The following AGBL1 variants were observed in gnomAD, a reference collection of about 807,000 sequenced individuals.
AGBL1 encodes the protein AGBL carboxypeptidase 1, also known as cytosolic carboxypeptidase 4.
In AGBL1, 130 loss-of-function variants were observed where a neutral mutation model predicts 118.9. The ratio of observed to expected loss-of-function variants is 1.09; its 90% CI spans 0.95 to 1.26. The LOEUF (loss-of-function observed/expected upper bound fraction) is 1.26, where lower values mean the gene tolerates loss of function less well. Among genes scored for constraint, AGBL1 ranks in the 50% most tolerant of loss-of-function variants. AGBL1 has a pLI of 0.00. For synonymous variants in AGBL1, 555 were observed against 478.9 expected (o/e 1.16, Z -2.08); for missense variants, 1,584 against 1,298.1 (o/e 1.22, Z -3.38).
At position 86,613,025 on chromosome 15, in the gene AGBL1, C is replaced by A. The variant is rs954698775; in HGVS notation, c.2994+58488C>A. ...ATACCTTACATATAATGATTCATGTCTTTGTCTGTAACTTTTGTCTCCCTA... is the reference window on the plus strand; with the variant it reads ...ATACCTTACATATAATGATTCATGTATTTGTCTGTAACTTTTGTCTCCCTA... On this transcript the variant is annotated intron_variant, in intron 21 of 22. Coordinates refer to ENST00000614907, the MANE Select transcript of AGBL1 (RefSeq NM_001386094.1). This position sits in a 1 kb window ranked among gnomAD's most constrained non-coding sequence, Gnocchi z 4.2. Among the ~76,000 whole-genome samples the A allele has an allele frequency of 2.0e-5, 3 of 151,850 alleles. No homozygotes were observed. Among genetic ancestry groups the A allele is most frequent in the African/African-American group, 2.4e-5 (1 of 41,120 alleles).
At chr15:86,280,018 G>A (rs1311170137) in intron 16 of AGBL1, among the ~76,000 whole-genome samples, 1 of 152,166 alleles carries the variant, frequency 6.6e-6, no homozygotes, top group East Asian at 1.9e-4. Flanking sequence ...CATTCCAAAG[G>A]CCCAAGTGGT....
intron 22 of AGBL1, among the ~76,000 whole-genome samples, chr15:86,869,144 G>A (rs187018285): frequency 5.3e-5 from 8 of 152,310 alleles, no homozygotes; most frequent in African/African-American, 1.9e-4. Flanking sequence ...TTGCACAACT[G>A]ATAAACTGTC....
chr15:86,908,689 G>A lies in AGBL1; in HGVS notation c.*1395G>A, dbSNP rs1352832077. 3 of 152,236 alleles carry A rather than the reference G, an allele frequency of 2.0e-5. No homozygotes were observed. The highest frequency in any genetic ancestry group is 4.4e-5 in the Non-Finnish European group (3 of 68,088). 9.4% of individuals were successfully genotyped at this position (152,236 alleles called of 1,614,324 possible). On this transcript the variant is annotated 3_prime_UTR_variant, in exon 23 of 23. Transcript: ENST00000614907. ...AGCAAGGCCTTTTAGCATTCGGAAG[G>A]AAGAGGCTTAGTTATTTGAATAATG...
At chr15:86,334,890 A>G (rs1449292413) in intron 17 of AGBL1, among the ~76,000 whole-genome samples, 1 of 152,204 alleles carries the variant, frequency 6.6e-6, no homozygotes, top group East Asian at 1.9e-4. Context: ...AATAAAAATT[A>G]TGAAGACAGA....
intron 5 of AGBL1, among the ~76,000 whole-genome samples, chr15:86,164,572 G>A (rs777991246): frequency 2.6e-5 from 4 of 152,118 alleles, no homozygotes; most frequent in Admixed American, 1.3e-4. Flanking sequence ...CACTGGCCAC[G>A]TGCTTGACCT....
Position 86,921,605 on chromosome 15 carries a change from G to T in AGBL1, c.3222-66382G>T, listed in dbSNP as rs1002953911. On this transcript the variant is annotated intron_variant, in intron 23 of 24. Coordinates refer to the AGBL1 transcript ENST00000441037. ...TATTTTCTTTTATTTCCATGCTTGGGGAGGGAGAATGAGGAGGAGGCCCCT... is the reference window on the plus strand; with the variant it reads ...TATTTTCTTTTATTTCCATGCTTGGTGAGGGAGAATGAGGAGGAGGCCCCT... Among the ~76,000 whole-genome samples, 9 of 152,220 alleles carry T rather than the reference G, an allele frequency of 5.9e-5. No individual in the cohort carries two copies. In the South Asian group the frequency reaches 1.9e-3, roughly 32 times the overall value.
At chr15:86,445,208 A>C (rs1018281420) in intron 18 of AGBL1, among the ~76,000 whole-genome samples, 1 of 152,236 alleles carries the variant, frequency 6.6e-6, no homozygotes, top group African/African-American at 2.4e-5. Flanking sequence ...AGAGCAGCCC[A>C]CTGGCAAGCT....
chr15:86,821,183 G>A (rs944601187), intron 22 of AGBL1, among the ~76,000 whole-genome samples: 1 of 152,120 alleles, frequency 6.6e-6, no homozygotes, highest in East Asian at 1.9e-4. Flanking sequence ...CAGGAGATTG[G>A]GGGGTTGGGG....
In AGBL1 at chr15:86,914,483, A is replaced by C. The variant is rs1365234059; in HGVS notation, c.*7189A>C. ...GTTCCCGGGGAAATCTGACTTCCTA[A>C]CTCATGCTCCCTCCACTTCCCCAGA... On this transcript the variant is annotated 3_prime_UTR_variant, in exon 23 of 23. Coordinates refer to ENST00000614907, the MANE Select transcript of AGBL1 (RefSeq NM_001386094.1). 1 of 152,140 alleles carries C rather than the reference A, an allele frequency of 6.6e-6. No homozygotes were observed. Among genetic ancestry groups the C allele is most frequent in the Non-Finnish European group, 1.5e-5 (1 of 68,026 alleles). 9.4% of individuals were successfully genotyped at this position (152,140 alleles called of 1,614,324 possible). A position where few individuals can be genotyped will look rare whatever the true frequency, so the allele number is the denominator to read the frequency against.
chr15:86,318,187 A>G (rs188664697), intron 17 of AGBL1, among the ~76,000 whole-genome samples: 209 of 152,284 alleles, frequency 1.4e-3, no homozygotes, highest in African/African-American at 4.9e-3. Flanking sequence ...TGGGGATGTA[A>G]TTTTTTAAAA....
At chr15:86,225,693 A>G (rs1429479425) in intron 6 of AGBL1, among the ~76,000 whole-genome samples, 1 of 151,850 alleles carries the variant, frequency 6.6e-6, no homozygotes, top group African/African-American at 2.4e-5. Flanking sequence ...TTTCCTCCTT[A>G]CCTCTTCATC....
At chr15:86,153,882 T>C (rs1411602277) in intron 3 of AGBL1, among the ~76,000 whole-genome samples, 1 of 152,240 alleles carries the variant, frequency 6.6e-6, no homozygotes, top group East Asian at 1.9e-4. Flanking sequence ...CTAAATCCTT[T>C]CAAGTGCATT....
chr15:86,244,322 C>A (rs1279166926), intron 6 of AGBL1, among the ~76,000 whole-genome samples: 2 of 152,146 alleles, frequency 1.3e-5, no homozygotes, highest in Non-Finnish European at 2.9e-5. Context: ...TGCCCTGGCC[C>A]TGCAAAGCAG....
intron 19 of AGBL1, among the ~76,000 whole-genome samples, chr15:86,540,455 C>G (rs769895935): frequency 6.6e-6 from 1 of 152,012 alleles, no homozygotes; most frequent in Non-Finnish European, 1.5e-5. Flanking sequence ...GTTAGCTGAG[C>G]GTGGTGGCAG....
chr15:86,179,120 C>T (rs2141782987), intron 5 of AGBL1, among the ~76,000 whole-genome samples: 1 of 152,324 alleles, frequency 6.6e-6, no homozygotes, highest in Middle Eastern at 3.4e-3. Context: ...AGATGGGGCA[C>T]TCTGCAATCT....
At chr15:86,458,096 A>G (rs1170268223) in intron 18 of AGBL1, among the ~76,000 whole-genome samples, 2 of 152,156 alleles carry the variant, frequency 1.3e-5, no homozygotes, top group African/African-American at 4.8e-5. Context: ...AAATGAGTTA[A>G]AAAAATCTGA....
rs373361384 is a variant in AGBL1 at position 86,288,152 on chromosome 15, A to G, written c.2221-7103A>G. ...TGATAGTAATTGTGAGGCAGGCTAC[A>G]TTTAGTCTAGATTTTGATAATAAAG... is the stretch of plus-strand genomic sequence containing the variant. On this transcript the variant is annotated intron_variant, in intron 16 of 22. Transcript: ENST00000614907. Among the ~76,000 whole-genome samples the G allele has an allele frequency of 5.3e-5, 8 of 152,252 alleles. 1 individual carries two copies. In the Middle Eastern group the frequency reaches 0.027, roughly 518 times the overall value.
chr15:86,462,475 G>A (rs555608350), intron 18 of AGBL1, among the ~76,000 whole-genome samples: 3 of 151,634 alleles, frequency 2.0e-5, no homozygotes, highest in African/African-American at 4.8e-5. Flanking sequence ...TGGGATACAC[G>A]TGCAGAATGT....
chr15:86,187,941 C>T (rs1448113422), intron 5 of AGBL1, among the ~76,000 whole-genome samples: 1 of 152,216 alleles, frequency 6.6e-6, no homozygotes, highest in Non-Finnish European at 1.5e-5. Context: ...GCATCATCCA[C>T]ATGCATTTCT....
Sources: allele counts gnomAD v4.1 joint callset (sites outside exome capture counted in the v4.1 genomes callset), GRCh38; gene constraint gnomAD v4.1.1; non-coding constraint Gnocchi (gnomAD v3.1); transcripts MANE v1.5; gene names NCBI Gene and HGNC (gene_info 2026-07-23, HGNC 2026-07-21).